Variants in SGCD observed in about 807,000 individuals in gnomAD.
SGCD encodes the protein sarcoglycan delta.
Under a neutral mutation model 36.6 loss-of-function variants are expected in SGCD, and 18 were observed. The ratio of observed to expected loss-of-function variants is 0.49; its 90% CI spans 0.34 to 0.73. SGCD has a LOEUF of 0.73. Among genes scored for constraint, SGCD ranks in the 30% least tolerant of loss-of-function variants. The probability of loss-of-function intolerance (pLI) is 0.01; values close to 1 mark genes in which losing one functional copy is unlikely to be tolerated. For synonymous variants in SGCD, 133 were observed against 130.6 expected, an observed-to-expected ratio of 1.02 and a Z score of -0.12; for missense variants, 387 against 346.7, an observed-to-expected ratio of 1.12 and a Z score of -0.92.
At chr5:156,145,737 A>T (rs1762694899) in intron 3 of SGCD, among the ~76,000 whole-genome samples, 1 of 152,212 alleles carries the variant, frequency 6.6e-6, no homozygotes, top group Admixed American at 6.5e-5. Flanking sequence ...ACCAATAAAG[A>T]ATTTTTTCAC....
At chr5:156,303,164 A>G (rs1419223504) in intron 3 of SGCD, among the ~76,000 whole-genome samples, 1 of 152,098 alleles carries the variant, frequency 6.6e-6, no homozygotes, top group Non-Finnish European at 1.5e-5. Flanking sequence ...CCATTCTACT[A>G]CAGCTTAGCT....
intron 3 of SGCD, among the ~76,000 whole-genome samples, chr5:156,251,777 G>A (rs894187436): frequency 3.3e-5 from 5 of 152,008 alleles, no homozygotes; most frequent in African/African-American, 4.8e-5. Context: ...CCCTCCCAAC[G>A]TGCTGGGATT....
intron 1 of SGCD, among the ~76,000 whole-genome samples, chr5:155,884,574 T>C (rs1580970421): frequency 6.6e-6 from 1 of 152,240 alleles, no homozygotes; most frequent in South Asian, 2.1e-4. Flanking sequence ...CTCTGAGACC[T>C]ATCAAGAATT....
chr5:156,324,934 G>A (rs1305564370), upstream of SGCD, among the ~76,000 whole-genome samples: 1 of 152,032 alleles, frequency 6.6e-6, no homozygotes, highest in African/African-American at 2.4e-5. Context: ...ATTTTATTTT[G>A]CTATTATTGT....
intron 1 of SGCD, among the ~76,000 whole-genome samples, chr5:155,878,362 G>A (rs1755809680): frequency 6.6e-6 from 1 of 151,948 alleles, no homozygotes; most frequent in Non-Finnish European, 1.5e-5. Flanking sequence ...TCTTACGTGA[G>A]CTACCAAAGT....
At chr5:156,201,620 A>T (rs1443407889) in intron 3 of SGCD, among the ~76,000 whole-genome samples, 2 of 152,156 alleles carry the variant, frequency 1.3e-5, no homozygotes, top group African/African-American at 4.8e-5. Context: ...AGGTAAAGCA[A>T]TGAGTGTTTC....
rs74681216 is a variant in SGCD at position 156,240,280 on chromosome 5, G to T, written c.-43-89254G>T. ...TATTATATTCAAATATAGAATAGAA[G>T]TAGAGGAGAAAAGCAGAGGAGGGAG... On this transcript the variant is annotated intron_variant, in intron 3 of 9. Transcript: ENST00000517913. 2.5e-3 allele frequency among the ~76,000 whole-genome samples: 382 copies of T among 152,304 alleles called. 1 individual carries two copies. The highest frequency in any genetic ancestry group is 0.012 in the South Asian group (56 of 4,832).
In SGCD at chr5:156,111,718, G is replaced by A. The variant is rs553542654; in HGVS notation, c.-281-6160G>A. ...TTTACCATGTATGTGCACATGGATTGTGGAGGTTAACAGTGTGATGTCACC... is the reference window on the plus strand; with the variant it reads ...TTTACCATGTATGTGCACATGGATTATGGAGGTTAACAGTGTGATGTCACC... On this transcript the variant is annotated intron_variant, in intron 1 of 9. Transcript: ENST00000517913. Among the ~76,000 whole-genome samples, 6 of 152,204 alleles carry A rather than the reference G, an allele frequency of 3.9e-5. No homozygotes were observed. In the East Asian group the frequency reaches 9.7e-4, roughly 25 times the overall value.
chr5:155,836,825 C>T, the SGCD span, among the ~76,000 whole-genome samples: 3 of 152,246 alleles, frequency 2.0e-5, no homozygotes, highest in South Asian at 6.2e-4. Flanking sequence ...CTTTGGAAAA[C>T]AGAAGTATCC....
At chr5:156,485,311 G>C (rs1291235573) in intron 3 of SGCD, among the ~76,000 whole-genome samples, 3 of 152,160 alleles carry the variant, frequency 2.0e-5, no homozygotes, top group Non-Finnish European at 4.4e-5. Flanking sequence ...TATACTCAAA[G>C]TATATAGAGA....
intron 3 of SGCD, among the ~76,000 whole-genome samples, chr5:156,170,356 T>G (rs558711751): frequency 2.0e-5 from 3 of 152,286 alleles, no homozygotes; most frequent in South Asian, 2.1e-4. Flanking sequence ...AGAATTATTA[T>G]TAGTAGTAAT....
At chr5:156,613,485 T>C (rs1761906555) in intron 6 of SGCD, among the ~76,000 whole-genome samples, 2 of 152,222 alleles carry the variant, frequency 1.3e-5, no homozygotes, top group South Asian at 4.1e-4. Flanking sequence ...CACTGTCATA[T>C]GTATTCTCCA....
intron 1 of SGCD, among the ~76,000 whole-genome samples, chr5:155,886,368 A>C (rs1034826706): frequency 7.2e-5 from 11 of 152,188 alleles, no homozygotes; most frequent in African/African-American, 2.7e-4. Flanking sequence ...CCATTCAGAG[A>C]ATTCAAATGT....
At chr5:156,523,122 T>TCCCAA (rs1297434645) in intron 4 of SGCD, among the ~76,000 whole-genome samples, 14 of 152,186 alleles carry the variant, frequency 9.2e-5, no homozygotes, top group Non-Finnish European at 1.5e-4. Context: ...CATTTACTGA[T>TCCCAA]TGGGGCACTA....
chr5:156,035,540 T>C (rs1759468240), intron 1 of SGCD, among the ~76,000 whole-genome samples: 1 of 152,030 alleles, frequency 6.6e-6, no homozygotes, highest in Non-Finnish European at 1.5e-5. Flanking sequence ...AACATAGATG[T>C]TTGAGGCTAC....
At chr5:155,827,672 CTTTTTTTTTT>C in the SGCD span, among the ~76,000 whole-genome samples, 1 of 64,426 alleles carries the variant, frequency 1.6e-5, no homozygotes, top group African/African-American at 6.3e-5. Context: ...CTAAATAATT[CTTTTTTTTTT>C]TTTTTTTTTT....
At chr5:156,374,987 C>G (rs1466427636) in intron 3 of SGCD, among the ~76,000 whole-genome samples, 1 of 152,286 alleles carries the variant, frequency 6.6e-6, no homozygotes, top group East Asian at 1.9e-4. Context: ...TCTTCACAGT[C>G]TTTTTTGTTT....
At chr5:156,334,361 A>G (rs889555045) in intron 2 of SGCD, among the ~76,000 whole-genome samples, 10 of 152,224 alleles carry the variant, frequency 6.6e-5, no homozygotes, top group Non-Finnish European at 1.3e-4. Context: ...ACACCATTAA[A>G]TCTGCGATCA....
intron 3 of SGCD, among the ~76,000 whole-genome samples, chr5:156,373,873 T>A (rs1352543484): frequency 6.6e-6 from 1 of 152,136 alleles, no homozygotes. Flanking sequence ...CACCCAGTGG[T>A]CAGCATGGAG....
Sources: allele counts gnomAD v4.1 joint callset (sites outside exome capture counted in the v4.1 genomes callset), GRCh38; gene constraint gnomAD v4.1.1; transcripts MANE v1.5; gene names NCBI Gene and HGNC (gene_info 2026-07-23, HGNC 2026-07-21).